The following PDE7B variants were observed in gnomAD, a reference collection of about 807,000 sequenced individuals.
PDE7B encodes the protein 3',5'-cyclic-AMP phosphodiesterase 7B.
In PDE7B, 29 loss-of-function variants were observed where a neutral mutation model predicts 56.2. That is an observed-to-expected ratio of 0.52 (90% CI 0.38 to 0.70). The LOEUF (loss-of-function observed/expected upper bound fraction) is 0.70. PDE7B is among the 30% of genes least tolerant of loss of function. PDE7B has a pLI of 0.00. For missense variants in PDE7B, 490 were observed against 565.0 expected (o/e 0.87, Z 1.35); for synonymous variants, 197 against 196.9 (o/e 1.00, Z 0.00).
intron 3 of PDE7B, among the ~76,000 whole-genome samples, chr6:136,120,123 A>G (rs1476142180): frequency 1.3e-5 from 2 of 152,236 alleles, no homozygotes; most frequent in African/African-American, 2.4e-5. Context: ...TTATTTTATT[A>G]TTACAGATAT....
chr6:136,124,427 A>T (rs1384760784), intron 3 of PDE7B, among the ~76,000 whole-genome samples: 1 of 152,218 alleles, frequency 6.6e-6, no homozygotes, highest in Non-Finnish European at 1.5e-5. Flanking sequence ...ACAAAATAGT[A>T]TATTGTTAGA....
At chr6:135,957,595 G>A (rs1189545317) in intron 2 of PDE7B, among the ~76,000 whole-genome samples, 1 of 152,090 alleles carries the variant, frequency 6.6e-6, no homozygotes, top group Non-Finnish European at 1.5e-5. Context: ...TATTGTACAT[G>A]TGAAGTTGCT....
chr6:136,047,610 A>G (rs1042513613), intron 2 of PDE7B: 1 of 152,348 alleles, frequency 6.6e-6, no homozygotes. Context: ...GGAGGTCACA[A>G]AATGGAAAAT....
intron 1 of PDE7B, among the ~76,000 whole-genome samples, chr6:135,906,810 G>GTT (rs869049424): frequency 0.026 from 1,554 of 59,546 alleles, 328 homozygotes; most frequent in African/African-American, 0.07. Flanking sequence ...AATGAGGTTT[G>GTT]TTTTTTTTTT....
intron 2 of PDE7B, among the ~76,000 whole-genome samples, chr6:136,001,448 T>C (rs557996028): frequency 6.6e-6 from 1 of 152,122 alleles, no homozygotes; most frequent in African/African-American, 2.4e-5. Context: ...GCTGAAAACT[T>C]TGAAAAAAAT....
At chr6:136,165,466 A>T (rs1418574470) in intron 8 of PDE7B, 1 of 152,186 alleles carries the variant, frequency 6.6e-6, no homozygotes, top group Non-Finnish European at 1.5e-5. Context: ...CTTTAAATCA[A>T]CTTGGTGTAT....
intron 2 of PDE7B, among the ~76,000 whole-genome samples, chr6:136,087,119 C>A (rs1041158016): frequency 6.6e-6 from 1 of 152,206 alleles, no homozygotes; most frequent in Non-Finnish European, 1.5e-5. Flanking sequence ...AGAGAAACAT[C>A]TTTCTCTTTC....
At chr6:135,973,782 T>A (rs1189443790) in intron 2 of PDE7B, among the ~76,000 whole-genome samples, 2 of 152,222 alleles carry the variant, frequency 1.3e-5, no homozygotes, top group Non-Finnish European at 2.9e-5. Flanking sequence ...TAGAGTTTAA[T>A]CTATTTCATA....
At chr6:135,921,228 C>T (rs1583771526) in intron 1 of PDE7B, among the ~76,000 whole-genome samples, 2 of 152,046 alleles carry the variant, frequency 1.3e-5, no homozygotes, top group South Asian at 4.1e-4. Flanking sequence ...TTCATCCTAA[C>T]CATGTGGCAG....
chr6:135,972,248 A>C (rs1024397183), intron 2 of PDE7B, among the ~76,000 whole-genome samples: 49 of 151,378 alleles, frequency 3.2e-4, no homozygotes, highest in Middle Eastern at 6.8e-3. Flanking sequence ...AAAAAAAAAA[A>C]AAAAAAAAAA....
intron 2 of PDE7B, among the ~76,000 whole-genome samples, chr6:136,005,991 G>A (rs1200456083): frequency 1.3e-5 from 2 of 151,734 alleles, no homozygotes; most frequent in African/African-American, 4.8e-5. Flanking sequence ...TTAAGAAAAT[G>A]TGGCACATAT....
chr6:136,036,088 G>GCAAA (rs1776322028), intron 2 of PDE7B, among the ~76,000 whole-genome samples: 1 of 152,140 alleles, frequency 6.6e-6, no homozygotes, highest in African/African-American at 2.4e-5. Flanking sequence ...TGATAATAAA[G>GCAAA]CAAACAGTCT....
At chr6:135,976,127 T>G (rs901027682) in intron 2 of PDE7B, among the ~76,000 whole-genome samples, 2 of 152,060 alleles carry the variant, frequency 1.3e-5, no homozygotes, top group Non-Finnish European at 2.9e-5. Flanking sequence ...TCCCAGATAA[T>G]CAAACTAGTT....
chr6:136,031,734 G>C (rs1241077353), intron 2 of PDE7B, among the ~76,000 whole-genome samples: 1 of 86,556 alleles, frequency 1.2e-5, no homozygotes, highest in Admixed American at 1.5e-4. Flanking sequence ...GCGAGACTCC[G>C]TCTCAAAAAA....
At chr6:136,099,965 G>A (rs1777533922) in intron 2 of PDE7B, among the ~76,000 whole-genome samples, 1 of 152,128 alleles carries the variant, frequency 6.6e-6, no homozygotes, top group South Asian at 2.1e-4. Context: ...GTATAAGGAA[G>A]GGATCCAGTT....
At chr6:136,127,850 C>CG (rs1236310696) in intron 3 of PDE7B, among the ~76,000 whole-genome samples, 1 of 152,140 alleles carries the variant, frequency 6.6e-6, no homozygotes, top group Non-Finnish European at 1.5e-5. Context: ...CTGGGGTGAA[C>CG]GCAAAAGAGA....
intron 1 of PDE7B, among the ~76,000 whole-genome samples, chr6:135,894,478 C>T (rs1775862718): frequency 6.6e-6 from 1 of 152,032 alleles, no homozygotes; most frequent in South Asian, 2.1e-4. Flanking sequence ...ATAACCTGTT[C>T]CTATTTTTCT....
At chr6:135,858,651 A>G (rs1225152437) in intron 1 of PDE7B, among the ~76,000 whole-genome samples, 1 of 152,190 alleles carries the variant, frequency 6.6e-6, no homozygotes. Flanking sequence ...CAGCTTTCTC[A>G]TGTATAAAAT....
At chr6:136,120,024 G>A (rs184236606) in intron 3 of PDE7B, among the ~76,000 whole-genome samples, 241 of 152,244 alleles carry the variant, frequency 1.6e-3, no homozygotes, top group Non-Finnish European at 2.6e-3. Context: ...TAGAAAAGAC[G>A]ATTCACAAGT....
Sources: gnomAD v4.1 joint callset for allele counts (sites outside exome capture counted in the v4.1 genomes callset) on GRCh38, gnomAD v4.1.1 for gene constraint, MANE v1.5 for transcripts, NCBI Gene and HGNC (gene_info 2026-07-23, HGNC 2026-07-21) for gene names.